Variants in ARHGAP21 observed in about 807,000 individuals in gnomAD.
ARHGAP21 encodes the protein Rho GTPase activating protein 21.
A neutral mutation model predicts 164.6 loss-of-function variants in ARHGAP21; 38 were observed. The ratio of observed to expected loss-of-function variants is 0.23; its 90% CI spans 0.18 to 0.30. ARHGAP21 has a LOEUF of 0.30. Among genes scored for constraint, ARHGAP21 ranks in the 10% least tolerant of loss-of-function variants. The pLI is 1.00. For missense variants in ARHGAP21, 1,822 were observed against 2,370.7 expected, an observed-to-expected ratio of 0.77 and a Z score of 4.81; for synonymous variants, 766 against 857.9, an observed-to-expected ratio of 0.89 and a Z score of 1.87.
At position 24,723,609 on chromosome 10, in the gene ARHGAP21, G is replaced by A. The variant is rs1218376952; in HGVS notation, c.-428C>T. On this transcript the variant is annotated 5_prime_UTR_variant, in exon 1 of 26. Transcript: ENST00000396432. ...TCCGCACGGGGCTGGCCGGCTCCGG[G>A]ACAGCGCGCCCCGCCCGCCCGCCCG... 2 of 146,932 alleles carry A rather than the reference G, an allele frequency of 1.4e-5. No homozygotes were observed. Among genetic ancestry groups the A allele is most frequent in the Non-Finnish European group, 3.0e-5 (2 of 65,798 alleles). The allele number at this position is 146,932 out of a possible 1,614,324, so 9.1% of individuals were successfully genotyped here.
chr10:24,633,465 T>G lies in ARHGAP21; in HGVS notation c.377A>C (p.Lys126Thr). ...AGLCTGDRIIKVNGESVIGKT... is the reference protein window; with the variant it reads ...AGLCTGDRIITVNGESVIGKT... The stretch of plus-strand genomic sequence containing the variant: ...GCCAATAACACTTTCTCCATTGACT[T>G]TTATAATTCGGTCACCTTCAAAGAG... Residue 126 changes from lysine (K) to threonine (T), a missense_variant, in exon 6 of 26, where the codon AAA becomes ACA. Around this residue, in one of 5 missense-constraint regions of ARHGAP21, gnomAD observed 1,090 missense variants for 1,378.9 expected, o/e 0.79. Transcript: ENST00000396432. The G allele has an allele frequency of 1.2e-6, 2 of 1,610,872 alleles. No homozygotes were observed. Among genetic ancestry groups the G allele is most frequent in the Non-Finnish European group, 1.7e-6 (2 of 1,178,452 alleles).
At position 24,584,885 on chromosome 10, in the gene ARHGAP21, G is replaced by A; in HGVS notation, c.5404C>T (p.His1802Tyr). The A allele has an allele frequency of 6.2e-7, 1 of 1,613,950 alleles. No homozygotes were observed. Among genetic ancestry groups the A allele is most frequent in the East Asian group, 2.2e-5 (1 of 44,884 alleles). The change falls in exon 26 of 26, where the codon CAT becomes TAT. Residue 1802 changes from histidine to tyrosine, a missense_variant. Coordinates refer to ENST00000396432, the MANE Select transcript of ARHGAP21 (RefSeq NM_020824.4). The part of the protein sequence containing the change: ...TAKRKSIRRR[H>Y]TLGGHRDATE... ...GCATCTCTGTGCCCTCCTAGTGTAT[G>A]TCTGCGCCGGATGCTTTTCCTTTTA...
intron 24 of ARHGAP21, 48 bp downstream of exon 24, chr10:24,591,177 G>C: frequency 2.8e-6 from 4 of 1,425,084 alleles, no homozygotes; most frequent in Non-Finnish European, 3.9e-6. Context: ...CATATTGTAA[G>C]AATGTAGCTT....
chr10:24,626,904 C>T (rs753477538), intron 7 of ARHGAP21, among the ~76,000 whole-genome samples: 1 of 152,118 alleles, frequency 6.6e-6, no homozygotes, highest in Non-Finnish European at 1.5e-5. Context: ...AAAAATGAGG[C>T]TGCCAAGCAC....
chr10:24,718,655 T>C (rs1360834423), intron 2 of ARHGAP21, among the ~76,000 whole-genome samples: 1 of 152,192 alleles, frequency 6.6e-6, no homozygotes, highest in Non-Finnish European at 1.5e-5. Context: ...CATGGATTCA[T>C]ACAAACTCGT....
chr10:24,597,889 G>A, intron 15 of ARHGAP21, 56 bp downstream of exon 15: 1 of 1,526,804 alleles, frequency 6.5e-7, no homozygotes, highest in Non-Finnish European at 9.0e-7. Context: ...CAAATAAGGG[G>A]GATGACTGTA....
chr10:24,590,425 G>A (rs1426348186), intron 24 of ARHGAP21: 1 of 1,535,338 alleles, frequency 6.5e-7, no homozygotes, highest in East Asian at 2.4e-5. Flanking sequence ...GTCCATCAGG[G>A]ACATCACAGA....
intron 6 of ARHGAP21, among the ~76,000 whole-genome samples, chr10:24,630,851 A>G (rs1282706668): frequency 1.3e-5 from 2 of 152,214 alleles, no homozygotes; most frequent in Non-Finnish European, 2.9e-5. Context: ...AAGTGAAGGA[A>G]ATCGCTTTAC....
chr10:24,662,247 C>CT (rs1011225475), intron 4 of ARHGAP21, among the ~76,000 whole-genome samples: 2 of 151,854 alleles, frequency 1.3e-5, no homozygotes, highest in South Asian at 2.1e-4. Context: ...AAGTCATACC[C>CT]TTTTTTTTAA....
intron 9 of ARHGAP21, among the ~76,000 whole-genome samples, chr10:24,610,644 T>C (rs2077218033): frequency 1.3e-5 from 2 of 152,252 alleles, no homozygotes; most frequent in Non-Finnish European, 2.9e-5. Flanking sequence ...TTTCAAATTA[T>C]GTTTCTATTT....
At chr10:24,644,396 G>A (rs1041811413) in intron 4 of ARHGAP21, among the ~76,000 whole-genome samples, 4 of 151,966 alleles carry the variant, frequency 2.6e-5, no homozygotes, top group Admixed American at 2.0e-4. Flanking sequence ...TCTAATTCAG[G>A]GTTTCTCAGA....
chr10:24,592,754 A>C (rs1012936768), intron 21 of ARHGAP21, among the ~76,000 whole-genome samples: 3 of 152,048 alleles, frequency 2.0e-5, no homozygotes, highest in African/African-American at 7.2e-5. Flanking sequence ...AAGAAAAAAA[A>C]AACAAAAAAC....
At chr10:24,699,382 T>C (rs1415565349) in intron 2 of ARHGAP21, among the ~76,000 whole-genome samples, 7 of 152,050 alleles carry the variant, frequency 4.6e-5, no homozygotes, top group Admixed American at 2.0e-4. Flanking sequence ...TGGCGTGCAA[T>C]GGTGCGACCT....
intron 6 of ARHGAP21, among the ~76,000 whole-genome samples, chr10:24,630,555 A>G (rs777634842): frequency 6.6e-6 from 1 of 152,054 alleles, no homozygotes; most frequent in East Asian, 1.9e-4. Context: ...GCAGTGGCGC[A>G]ATCTTGGCTC....
chr10:24,690,475 A>G (rs1314049213), intron 2 of ARHGAP21, among the ~76,000 whole-genome samples: 1 of 152,104 alleles, frequency 6.6e-6, no homozygotes, highest in Non-Finnish European at 1.5e-5. Context: ...TTTCATTACT[A>G]GTGAGGCTAG....
rs1236678416 is a variant in ARHGAP21 at position 24,595,731 on chromosome 10, G to C, written c.3698C>G (p.Pro1233Arg). The C allele has an allele frequency of 6.2e-7, 1 of 1,613,030 alleles. No homozygotes were observed. Among genetic ancestry groups the C allele is most frequent in the Non-Finnish European group, 8.5e-7 (1 of 1,179,520 alleles). ...AGTTAACTCACCATTTGTGAAGAGAGGCTCAGGGAGTTTTCTGAAGAAGGA... is the reference window on the plus strand; with the variant it reads ...AGTTAACTCACCATTTGTGAAGAGACGCTCAGGGAGTTTTCTGAAGAAGGA... The part of the protein sequence containing the change: ...LKSFFRKLPE[P>R]LFTNDKYADF... Residue 1233 changes from proline to arginine, a missense_variant, in exon 19 of 26, where the codon CCT (proline) becomes CGT (arginine). Transcript: ENST00000396432.
In ARHGAP21 at chr10:24,621,163, A is replaced by G. The variant is rs892079460; in HGVS notation, c.732T>C (p.Tyr244=). The G allele has an allele frequency of 1.9e-6, 3 of 1,613,718 alleles. No homozygotes were observed. In the African/African-American group the frequency reaches 4.0e-5, roughly 22 times the overall value. ...ATGGAGGCACTTGTATTTCCATTCT[A>G]TAGGCCCTACCAGGTTGTGTCAGTA... ...TPVLTQPGRA[Y]RMEIQVPPSP... is the part of the protein sequence containing the mutation. Residue 244 remains tyrosine, a synonymous_variant, in exon 9 of 26, where the codon TAT becomes TAC. Coordinates refer to ENST00000396432, the MANE Select transcript of ARHGAP21 (RefSeq NM_020824.4).
At chr10:24,633,527 A>G in intron 5 of ARHGAP21, 47 bp from the exon 6 acceptor site, 1 of 1,174,468 alleles carries the variant, frequency 8.5e-7, no homozygotes, top group South Asian at 1.3e-5. Context: ...GCAGAAAGTC[A>G]CTTTTGAACA....
chr10:24,651,706 A>T (rs1838181476), intron 4 of ARHGAP21, among the ~76,000 whole-genome samples: 1 of 152,300 alleles, frequency 6.6e-6, no homozygotes, highest in East Asian at 1.9e-4. Flanking sequence ...TACTACATTA[A>T]GTGATTAAGG....
Sources: gnomAD v4.1 joint callset for allele counts (sites outside exome capture counted in the v4.1 genomes callset) on GRCh38, gnomAD v4.1.1 for gene constraint, gnomAD v4.1.1 regional missense constraint, MANE v1.5 for transcripts, NCBI Gene and HGNC (gene_info 2026-07-23, HGNC 2026-07-21) for gene names.